The following CYP46A1 variants were observed in gnomAD, a reference collection of about 807,000 sequenced individuals.
CYP46A1 encodes the protein cytochrome P450 family 46 subfamily A member 1, also known as cholesterol 24-hydroxylase.
A neutral mutation model predicts 63.3 loss-of-function variants in CYP46A1; 20 were observed. That is an observed-to-expected ratio of 0.32 (90% CI 0.22 to 0.46). The LOEUF (loss-of-function observed/expected upper bound fraction) is 0.46. Among genes scored for constraint, CYP46A1 ranks in the 20% least tolerant of loss-of-function variants. The pLI, the probability that CYP46A1 is intolerant of heterozygous loss-of-function variation, is 1.00. For missense variants in CYP46A1, 445 were observed against 670.8 expected, an observed-to-expected ratio of 0.66 and a Z score of 3.72; for synonymous variants, 268 against 273.6, an observed-to-expected ratio of 0.98 and a Z score of 0.20.
chr14:99,719,772 T>C (rs980258041), intron 10 of CYP46A1, among the ~76,000 whole-genome samples: 1 of 150,076 alleles, frequency 6.7e-6, no homozygotes, highest in Non-Finnish European at 1.5e-5. Flanking sequence ...TTTTTTTTTT[T>C]TTTTTTTAAG....
rs2056900528 is a variant in CYP46A1, at chr14:99,726,542, G to A, written c.1333-15G>A. ...TGCTCCTTCATTCCTTCCTCATTTT[G>A]CCCGCTGGGCCCAGATGGAGGTGAA... On this transcript the variant is annotated splice_polypyrimidine_tract_variant and intron_variant, in intron 14 of 14. Transcript: ENST00000261835. 2 of 1,553,680 alleles carry A rather than the reference G, an allele frequency of 1.3e-6. No homozygotes were observed. The highest frequency in any genetic ancestry group is 1.7e-6 in the Non-Finnish European group (2 of 1,149,774).
chr14:99,716,604 C>T (rs776214858), intron 9 of CYP46A1, among the ~76,000 whole-genome samples: 15 of 152,358 alleles, frequency 9.8e-5, no homozygotes, highest in Admixed American at 2.0e-4. Context: ...GTCAGTGAGC[C>T]CTCGCATGCC....
At chr14:99,714,226 T>C (rs2056765848) in intron 7 of CYP46A1, among the ~76,000 whole-genome samples, 1 of 152,132 alleles carries the variant, frequency 6.6e-6, no homozygotes, top group East Asian at 1.9e-4. Flanking sequence ...AAATAACAGA[T>C]GCGGGTGAGG....
intron 1 of CYP46A1, among the ~76,000 whole-genome samples, chr14:99,686,617 T>C (rs2056496631): frequency 6.6e-6 from 1 of 152,208 alleles, no homozygotes; most frequent in Non-Finnish European, 1.5e-5. Context: ...GCCTTTTGTG[T>C]CTGGCTTCTT....
At chr14:99,695,482 C>T (rs1352394397) in intron 3 of CYP46A1, 2 of 420,520 alleles carry the variant, frequency 4.8e-6, no homozygotes, top group Admixed American at 5.5e-5. Flanking sequence ...CAGGTGTGTA[C>T]ACATTTAGGA....
intron 5 of CYP46A1, chr14:99,703,568 T>C (rs1182597797): frequency 2.0e-6 from 2 of 985,226 alleles, no homozygotes; most frequent in Non-Finnish European, 2.4e-6. Flanking sequence ...GCATCTCTGC[T>C]GTTCCCACTG....
chr14:99,718,619 G>C (rs1326284631), intron 10 of CYP46A1, among the ~76,000 whole-genome samples: 1 of 152,030 alleles, frequency 6.6e-6, no homozygotes, highest in Non-Finnish European at 1.5e-5. Context: ...ATTTGAGTCG[G>C]GCCATTGGTT....
At chr14:99,691,925 C>A in intron 3 of CYP46A1, 64 bp downstream of exon 3, 3 of 1,516,658 alleles carry the variant, frequency 2.0e-6, no homozygotes, top group Non-Finnish European at 2.7e-6. Context: ...GGGAGTGAAG[C>A]CTGGTCCCAG....
chr14:99,714,543 C>T (rs555875867), intron 7 of CYP46A1, among the ~76,000 whole-genome samples: 2 of 152,198 alleles, frequency 1.3e-5, no homozygotes, highest in African/African-American at 2.4e-5. Flanking sequence ...GGTAGATCCC[C>T]TGAGGTCAGG....
At chr14:99,716,245 T>C in intron 9 of CYP46A1, 46 bp downstream of exon 9, 1 of 1,599,358 alleles carries the variant, frequency 6.3e-7, no homozygotes, top group South Asian at 1.1e-5. Context: ...TCTGCAGAAA[T>C]GCTGTGGACC....
At position 99,725,327 on chromosome 14, in the gene CYP46A1, G is replaced by A; in HGVS notation, c.1177-64G>A. ...TGAGTAGCCCTGTTGGGTGGCCTCA[G>A]TGGCTCAAGAGGTGCCAGGGGAACA... On this transcript the variant is annotated intron_variant, in intron 12 of 14. Transcript: ENST00000261835. This position sits in a 1 kb window ranked among gnomAD's most constrained non-coding sequence, Gnocchi z 4.2. The A allele has an allele frequency of 7.2e-7, 1 of 1,394,128 alleles. No homozygotes were observed. The highest frequency in any genetic ancestry group is 1.0e-6 in the Non-Finnish European group (1 of 982,432). The allele number at this position is 1,394,128 out of a possible 1,614,324, so 86.4% of individuals were successfully genotyped here. A position where few individuals can be genotyped will look rare whatever the true frequency, so the allele number is the denominator to read the frequency against.
intron 6 of CYP46A1, 30 bp from the exon 7 acceptor site, chr14:99,707,538 G>A (rs1243079806): frequency 6.3e-7 from 1 of 1,596,696 alleles, no homozygotes; most frequent in South Asian, 1.1e-5. Flanking sequence ...CTGTGCCCCA[G>A]GGATGACCTT....
intron 6 of CYP46A1, among the ~76,000 whole-genome samples, 186 bp downstream of exon 6, chr14:99,706,971 T>C (rs771757392): frequency 1.3e-5 from 2 of 152,226 alleles, no homozygotes; most frequent in African/African-American, 2.4e-5. Flanking sequence ...TAGTGTGAGA[T>C]TGGGGCTAGT....
intron 4 of CYP46A1, 116 bp from the exon 5 acceptor site, chr14:99,699,899 C>T (rs916893713): frequency 7.0e-6 from 5 of 711,916 alleles, no homozygotes; most frequent in Non-Finnish European, 9.4e-6. Flanking sequence ...GCGCAACCGT[C>T]GCCACCGCCT....
At chr14:99,697,838 C>T (rs2140118194) in intron 3 of CYP46A1, among the ~76,000 whole-genome samples, 1 of 152,240 alleles carries the variant, frequency 6.6e-6, no homozygotes, top group Non-Finnish European at 1.5e-5. Context: ...TTGTGGGGGT[C>T]ACCTGGTCAG....
At chr14:99,694,027 G>A (rs1033146895) in intron 3 of CYP46A1, among the ~76,000 whole-genome samples, 3 of 151,870 alleles carry the variant, frequency 2.0e-5, no homozygotes, top group Non-Finnish European at 4.4e-5. Context: ...TCTACCTTCT[G>A]TCTCCGTGAA....
At chr14:99,687,980 T>TG (rs200658796) in intron 1 of CYP46A1, among the ~76,000 whole-genome samples, 2,648 of 46,048 alleles carry the variant, frequency 0.058, 35 homozygotes, top group Non-Finnish European at 0.11. Flanking sequence ...CCAGAAGGAA[T>TG]GGGTTTTTTT....
intron 7 of CYP46A1, among the ~76,000 whole-genome samples, chr14:99,714,769 A>G (rs556129199): frequency 6.6e-6 from 1 of 151,988 alleles, no homozygotes; most frequent in East Asian, 1.9e-4. Flanking sequence ...TCAAAAAAAA[A>G]AAAAAAAGAA....
intron 7 of CYP46A1, chr14:99,711,663 T>TG (rs2056733533): frequency 6.6e-6 from 1 of 152,076 alleles, no homozygotes; most frequent in South Asian, 2.1e-4. Context: ...GAAAAGCCCG[T>TG]GACCAGATGT....
Sources: gnomAD v4.1 joint callset for allele counts (sites outside exome capture counted in the v4.1 genomes callset) on GRCh38, gnomAD v4.1.1 for gene constraint, Gnocchi (gnomAD v3.1) non-coding constraint, MANE v1.5 for transcripts, NCBI Gene and HGNC (gene_info 2026-07-23, HGNC 2026-07-21) for gene names.